The following AGBL2 variants were observed in gnomAD, a reference collection of about 807,000 sequenced individuals.
The protein encoded by AGBL2 is cytosolic carboxypeptidase 2.
Under a neutral mutation model 103.0 loss-of-function variants are expected in AGBL2, and 87 were observed. That is an observed-to-expected ratio of 0.84 (90% CI 0.71 to 1.01). The LOEUF (loss-of-function observed/expected upper bound fraction) is 1.01, where lower values mean the gene tolerates loss of function less well. Ranked by LOEUF, AGBL2 falls within the 50% of genes least tolerant of loss-of-function variation. The pLI is 0.00. For missense variants in AGBL2, 904 were observed against 1,023.5 expected, an observed-to-expected ratio of 0.88 and a Z score of 1.59; for synonymous variants, 335 against 356.7, an observed-to-expected ratio of 0.94 and a Z score of 0.69.
intron 17 of AGBL2, among the ~76,000 whole-genome samples, chr11:47,666,197 CA>C (rs2097340848): frequency 6.6e-6 from 1 of 151,620 alleles, no homozygotes; most frequent in Non-Finnish European, 1.5e-5. Context: ...AGTTTGAGAC[CA>C]GCCTGGGCAA....
At chr11:47,676,459 C>T (rs182679528) in intron 14 of AGBL2, among the ~76,000 whole-genome samples, 247 of 152,322 alleles carry the variant, frequency 1.6e-3, no homozygotes, top group Non-Finnish European at 9.6e-4. Context: ...TATTGAGTCT[C>T]CCTGCTTAGA....
At chr11:47,714,061 G>T in intron 3 of AGBL2, 1 of 528,916 alleles carries the variant, frequency 1.9e-6, no homozygotes, top group Non-Finnish European at 3.4e-6. Context: ...GGAATAGAGA[G>T]CCCAGAAACA....
rs779216685 is a variant in AGBL2, at chr11:47,705,899, G to A, written c.251C>T (p.Ser84Leu). The A allele has an allele frequency of 6.2e-7, 1 of 1,614,082 alleles. No homozygotes were observed. The stretch of plus-strand genomic sequence containing the variant: ...GGCTTCTATCTGTCTGTGCACAGCT[G>A]AAGATAAACTGATAGGCCCTAGAAA... ...EKLLWPISLS[S>L]AVHRQIEAIN... Residue 84 changes from serine (S) to leucine (L), a missense_variant, in exon 5 of 19, where the codon TCA becomes TTA. Physicochemically the swap from Ser to Leu is moderately radical, Grantham distance 145 (BLOSUM62 -2). Transcript: ENST00000525123.
chr11:47,694,616 C>A (rs904568351), intron 8 of AGBL2, among the ~76,000 whole-genome samples: 1 of 152,102 alleles, frequency 6.6e-6, no homozygotes, highest in Non-Finnish European at 1.5e-5. Context: ...ATGCAGATGG[C>A]ACCTGGAAAA....
In AGBL2 at chr11:47,714,720, T is replaced by G. The variant is rs2097545224; in HGVS notation, c.-70A>C. On this transcript the variant is annotated 5_prime_UTR_variant, in exon 2 of 19. Coordinates refer to ENST00000525123, the MANE Select transcript of AGBL2 (RefSeq NM_024783.4). ...ATCCAGTCGCAAACCCTGCCCAATT[T>G]CCAAATAGGCAGCTGATTACACAAG... The G allele has an allele frequency of 6.9e-7, 1 of 1,449,534 alleles. No individual in the cohort carries two copies. Among genetic ancestry groups the G allele is most frequent in the African/African-American group, 1.4e-5 (1 of 71,378 alleles). The allele number at this position is 1,449,534 out of a possible 1,614,324, so 89.8% of individuals were successfully genotyped here. A position where few individuals can be genotyped will look rare whatever the true frequency, so the allele number is the denominator to read the frequency against.
chr11:47,683,223 A>G (rs998444485), intron 11 of AGBL2, among the ~76,000 whole-genome samples: 1 of 151,998 alleles, frequency 6.6e-6, no homozygotes. Flanking sequence ...ATACAAAAAA[A>G]TTAGCCGGGC....
rs777834606 is a variant in AGBL2 at position 47,666,837 on chromosome 11, G to A, written c.2448+119C>T. 25 of 727,440 alleles carry A rather than the reference G, an allele frequency of 3.4e-5. No homozygotes were observed. In the African/African-American group the frequency reaches 4.2e-4, roughly 12 times the overall value. 45.1% of individuals were successfully genotyped at this position (727,440 alleles called of 1,614,324 possible). The stretch of plus-strand genomic sequence containing the variant: ...GTTTTAATGTTTTCTTGCTCCCAGT[G>A]GCACTGTCAGGTTAGGGTAACGTAA... On this transcript the variant is annotated intron_variant, in intron 17 of 18. Coordinates refer to ENST00000525123, the MANE Select transcript of AGBL2 (RefSeq NM_024783.4).
At chr11:47,686,587 C>G (rs1031689559) in intron 10 of AGBL2, among the ~76,000 whole-genome samples, 1 of 150,800 alleles carries the variant, frequency 6.6e-6, no homozygotes, top group Non-Finnish European at 1.5e-5. Context: ...GGGGGTGGAT[C>G]CCTCATGAGT....
rs1034867645 is a variant in AGBL2, at chr11:47,702,597, T to C, written c.586+1946A>G. On this transcript the variant is annotated intron_variant, in intron 7 of 18. Transcript: ENST00000525123. ...AGACAGAAAATGAGGAACATCCAGCTGGGTGCGGTGGCTCATGGCTGTAAT... is the reference window on the plus strand; with the variant it reads ...AGACAGAAAATGAGGAACATCCAGCCGGGTGCGGTGGCTCATGGCTGTAAT... Among the ~76,000 whole-genome samples, 7 of 152,200 alleles carry C rather than the reference T, an allele frequency of 4.6e-5. No individual in the cohort carries two copies. In the South Asian group the frequency reaches 1.5e-3, roughly 32 times the overall value.
intron 13 of AGBL2, among the ~76,000 whole-genome samples, chr11:47,679,630 C>G (rs2097393510): frequency 6.6e-6 from 1 of 151,750 alleles, no homozygotes; most frequent in Non-Finnish European, 1.5e-5. Context: ...TGAAACTGAC[C>G]ACAGCATCAT....
intron 7 of AGBL2, among the ~76,000 whole-genome samples, chr11:47,702,209 C>A (rs972248911): frequency 6.6e-6 from 1 of 152,052 alleles, no homozygotes; most frequent in Non-Finnish European, 1.5e-5. Context: ...TATTTTCAGA[C>A]TCTTCTCTTG....
At chr11:47,689,560 C>T (rs914114610) in intron 10 of AGBL2, among the ~76,000 whole-genome samples, 1 of 152,104 alleles carries the variant, frequency 6.6e-6, no homozygotes, top group Admixed American at 6.6e-5. Flanking sequence ...CCACTTCAGC[C>T]TCCCAAAGTG....
At chr11:47,712,436 C>T (rs1236837450) in intron 3 of AGBL2, among the ~76,000 whole-genome samples, 1 of 151,976 alleles carries the variant, frequency 6.6e-6, no homozygotes, top group Non-Finnish European at 1.5e-5. Context: ...TTTATAATAG[C>T]ATAAAAATAT....
At chr11:47,670,992 TA>T (rs35181704) in intron 14 of AGBL2, among the ~76,000 whole-genome samples, 411 of 137,440 alleles carry the variant, frequency 3.0e-3, no homozygotes, top group Middle Eastern at 3.8e-3. Context: ...ACACTCTTTC[TA>T]AAAAAAAAAA....
At chr11:47,694,141 G>A (rs1421538539) in intron 8 of AGBL2, among the ~76,000 whole-genome samples, 1 of 151,760 alleles carries the variant, frequency 6.6e-6, no homozygotes, top group African/African-American at 2.4e-5. Context: ...AGGCTGCAGT[G>A]ATTTGTGATT....
At chr11:47,701,856 C>T (rs2097500352) in intron 7 of AGBL2, among the ~76,000 whole-genome samples, 1 of 151,792 alleles carries the variant, frequency 6.6e-6, no homozygotes, top group Non-Finnish European at 1.5e-5. Flanking sequence ...TGCCTGTAAT[C>T]CCAGCTACTT....
chr11:47,666,131 T>G (rs1417137761), intron 17 of AGBL2, among the ~76,000 whole-genome samples: 1 of 151,556 alleles, frequency 6.6e-6, no homozygotes, highest in Non-Finnish European at 1.5e-5. Flanking sequence ...TGGTAGCTCA[T>G]GCCTGTAATC....
chr11:47,696,010 C>CAAAAAAAAAAAAAAAAAAA (rs1171058500), intron 8 of AGBL2, among the ~76,000 whole-genome samples: 17 of 17,208 alleles, frequency 9.9e-4, no homozygotes, highest in South Asian at 4.6e-3. Context: ...ACTAAAAATA[C>CAAAAAAAAAAAAAAAAAAA]AAAAAAAAAA....
chr11:47,695,785 A>G (rs929237858), intron 8 of AGBL2, among the ~76,000 whole-genome samples: 2 of 151,824 alleles, frequency 1.3e-5, no homozygotes, highest in African/African-American at 2.4e-5. Flanking sequence ...AAAATTAAAA[A>G]AAATAGTTGG....
Sources: gnomAD v4.1 joint callset for allele counts (sites outside exome capture counted in the v4.1 genomes callset) on GRCh38, gnomAD v4.1.1 for gene constraint, MANE v1.5 for transcripts, NCBI Gene and HGNC (gene_info 2026-07-23, HGNC 2026-07-21) for gene names.